The following CD2AP variants were observed in gnomAD, a reference collection of about 807,000 sequenced individuals.
CD2AP encodes CD2 associated protein.
In CD2AP, 46 loss-of-function variants were observed where a neutral mutation model predicts 85.1. The ratio of observed to expected loss-of-function variants is 0.54; its 90% confidence interval spans 0.43 to 0.69. CD2AP has a LOEUF of 0.69. CD2AP is among the 30% of genes least tolerant of loss of function. CD2AP has a pLI of 0.00. For synonymous variants in CD2AP, 255 were observed against 252.9 expected, an observed-to-expected ratio of 1.01 and a Z score of -0.08; for missense variants, 769 against 729.5, an observed-to-expected ratio of 1.05 and a Z score of -0.62.
At chr6:47,535,819 C>G (rs1432308129) in intron 3 of CD2AP, among the ~76,000 whole-genome samples, 1 of 152,128 alleles carries the variant, frequency 6.6e-6, no homozygotes, top group African/African-American at 2.4e-5. Context: ...GAGGTTTTTT[C>G]ATGACCTCTG....
intron 2 of CD2AP, among the ~76,000 whole-genome samples, chr6:47,511,995 A>G (rs557423281): frequency 1.3e-5 from 2 of 152,178 alleles, no homozygotes; most frequent in South Asian, 2.1e-4. Flanking sequence ...CGTCTCTACT[A>G]AAAATACAAA....
intron 11 of CD2AP, among the ~76,000 whole-genome samples, chr6:47,584,852 T>C (rs1043944197): frequency 1.3e-5 from 2 of 152,120 alleles, no homozygotes; most frequent in Admixed American, 6.6e-5. Flanking sequence ...TACCAAGATA[T>C]GTAGAACCAC....
In CD2AP at chr6:47,582,055, T is replaced by C. The variant is rs762216291; in HGVS notation, c.1098T>C (p.Pro366=). Residue 366 remains proline, a synonymous_variant, in exon 11 of 18, where the codon CCT becomes CCC. Coordinates refer to ENST00000359314, the MANE Select transcript of CD2AP (RefSeq NM_012120.3). ...AGAAGAAATATTTTTCTTTAAAGCCTGAAGAAAAGGGTGAGGCTAATTTTC... is the reference window on the plus strand; with the variant it reads ...AGAAGAAATATTTTTCTTTAAAGCCCGAAGAAAAGGGTGAGGCTAATTTTC... ...AAEKKYFSLK[P]EEKDEKSTLE... 1.3e-6 allele frequency: 2 copies of C among 1,594,246 alleles called. No individual in the cohort carries two copies. The highest frequency in any genetic ancestry group is 1.7e-6 in the Non-Finnish European group (2 of 1,162,040).
rs563829641 is a variant in CD2AP at position 47,504,728 on chromosome 6, A to C, written c.165+1288A>C. Among the ~76,000 whole-genome samples, 3 of 152,272 alleles carry C rather than the reference A, an allele frequency of 2.0e-5. No individual in the cohort carries two copies. In the South Asian group the frequency reaches 6.2e-4, roughly 32 times the overall value. Reference sequence around the variant, plus strand: ...AGTTCCAGACCACCACAATAGAGCAAATGTCATAGTAGAGCAGATACCTCA... The same window carrying C: ...AGTTCCAGACCACCACAATAGAGCACATGTCATAGTAGAGCAGATACCTCA... On this transcript the variant is annotated intron_variant, in intron 2 of 17. Coordinates refer to ENST00000359314, the MANE Select transcript of CD2AP (RefSeq NM_012120.3).
chr6:47,585,044 A>G (rs1232444726), intron 11 of CD2AP, among the ~76,000 whole-genome samples: 1 of 152,072 alleles, frequency 6.6e-6, no homozygotes, highest in Non-Finnish European at 1.5e-5. Context: ...CTGTAATCCC[A>G]GCACTTTGGG....
chr6:47,582,335 A>T (rs1277120416), intron 11 of CD2AP: 3 of 273,940 alleles, frequency 1.1e-5, no homozygotes. Context: ...TTAAATAACT[A>T]TGCTTTTATT....
At chr6:47,618,046 C>T (rs567392375) in intron 17 of CD2AP, among the ~76,000 whole-genome samples, 3 of 152,220 alleles carry the variant, frequency 2.0e-5, no homozygotes, top group East Asian at 1.9e-4. Context: ...TGGCCGGGCA[C>T]GGTGGCTCAC....
At chr6:47,560,734 T>C (rs1767836788) in intron 5 of CD2AP, among the ~76,000 whole-genome samples, 1 of 152,208 alleles carries the variant, frequency 6.6e-6, no homozygotes, top group African/African-American at 2.4e-5. Flanking sequence ...GTTACAGCTG[T>C]GCTGCCACTG....
intron 5 of CD2AP, among the ~76,000 whole-genome samples, chr6:47,566,301 A>AATATATATATATATATATATAT (rs71831752): frequency 1.7e-4 from 19 of 110,120 alleles, no homozygotes; most frequent in South Asian, 3.6e-4. Context: ...TGCTCATTAG[A>AATATATATATATATATATATAT]ATATATATAT....
At chr6:47,490,349 T>C (rs904419990) in intron 1 of CD2AP, among the ~76,000 whole-genome samples, 13 of 152,204 alleles carry the variant, frequency 8.5e-5, no homozygotes, top group African/African-American at 2.2e-4. Context: ...ACCCAAAAGT[T>C]TTCCTAGAGT....
At chr6:47,615,044 C>T (rs980455706) in intron 17 of CD2AP, among the ~76,000 whole-genome samples, 1 of 152,152 alleles carries the variant, frequency 6.6e-6, no homozygotes, top group Non-Finnish European at 1.5e-5. Context: ...TTTTTAGAGA[C>T]TCTTCCCATT....
At chr6:47,582,227 C>T in intron 11 of CD2AP, 162 bp downstream of exon 11, 3 of 598,684 alleles carry the variant, frequency 5.0e-6, no homozygotes, top group South Asian at 1.9e-5. Flanking sequence ...GTTCATTTCT[C>T]AAACAGATAA....
At chr6:47,561,239 C>T (rs1302417983) in intron 5 of CD2AP, among the ~76,000 whole-genome samples, 1 of 152,168 alleles carries the variant, frequency 6.6e-6, no homozygotes, top group Non-Finnish European at 1.5e-5. Flanking sequence ...CAGAACATTT[C>T]CATCACCCCC....
At chr6:47,617,006 C>T (rs1371653756) in intron 17 of CD2AP, among the ~76,000 whole-genome samples, 6 of 152,132 alleles carry the variant, frequency 3.9e-5, no homozygotes, top group Non-Finnish European at 1.5e-5. Context: ...GTCACTCTGT[C>T]ACCCAGGCTA....
chr6:47,558,872 T>G (rs1019558185), intron 5 of CD2AP, among the ~76,000 whole-genome samples: 12 of 152,156 alleles, frequency 7.9e-5, no homozygotes, highest in African/African-American at 2.2e-4. Context: ...TTTTTGTTGT[T>G]GTTTGGAATA....
chr6:47,571,674 CA>C (rs1416098111), intron 5 of CD2AP, among the ~76,000 whole-genome samples: 1 of 152,136 alleles, frequency 6.6e-6, no homozygotes, highest in African/African-American at 2.4e-5. Flanking sequence ...AGAGACTGAA[CA>C]TGAGCAGCTT....
At chr6:47,510,242 A>G (rs1483212522) in intron 2 of CD2AP, among the ~76,000 whole-genome samples, 1 of 152,226 alleles carries the variant, frequency 6.6e-6, no homozygotes, top group Non-Finnish European at 1.5e-5. Flanking sequence ...GTCTGTGTTT[A>G]TATATGTGGG....
At chr6:47,488,025 C>CTTTT (rs35093088) in intron 1 of CD2AP, among the ~76,000 whole-genome samples, 1 of 127,626 alleles carries the variant, frequency 7.8e-6, no homozygotes, top group South Asian at 2.6e-4. Context: ...GGATGAGATC[C>CTTTT]TTTTTTTTTT....
At chr6:47,576,032 G>T (rs1263179950) in intron 6 of CD2AP, among the ~76,000 whole-genome samples, 2 of 152,008 alleles carry the variant, frequency 1.3e-5, no homozygotes, top group African/African-American at 4.8e-5. Context: ...TTTAGCCCAG[G>T]GATTTAAGTT....
Sources: gnomAD v4.1 joint callset for allele counts (sites outside exome capture counted in the v4.1 genomes callset) on GRCh38, gnomAD v4.1.1 for gene constraint, MANE v1.5 for transcripts, NCBI Gene and HGNC (gene_info 2026-07-23, HGNC 2026-07-21) for gene names.